TTLL11: variants seen among roughly 807,000 people sequenced by gnomAD.
The protein encoded by TTLL11 is tubulin tyrosine ligase like 11.
A neutral mutation model predicts 51.7 loss-of-function variants in TTLL11; 42 were observed. That is an observed-to-expected ratio of 0.81 (90% CI 0.64 to 1.05). The LOEUF is 1.05. Among genes scored for constraint, TTLL11 ranks in the 50% least tolerant of loss-of-function variants. The pLI, the probability that TTLL11 is intolerant of heterozygous loss-of-function variation, is 0.00. For synonymous variants in TTLL11, 381 were observed against 383.5 expected (o/e 0.99, Z 0.08); for missense variants, 799 against 940.4 (o/e 0.85, Z 1.97).
chr9:122,042,811 A>C (rs547894816), intron 1 of TTLL11, among the ~76,000 whole-genome samples: 1 of 152,386 alleles, frequency 6.6e-6, no homozygotes, highest in African/African-American at 2.4e-5. Flanking sequence ...TCTTAAATGC[A>C]TATTACTAAA....
chr9:121,823,589 C>T (rs1287067301), intron 8 of TTLL11, among the ~76,000 whole-genome samples: 6 of 152,138 alleles, frequency 3.9e-5, no homozygotes. Context: ...CTTTTATAAT[C>T]AGGGAACAAG....
In TTLL11 at chr9:121,845,305, G is replaced by A. The variant is rs190489479; in HGVS notation, c.1840+15032C>T. Among the ~76,000 whole-genome samples the A allele has an allele frequency of 6.4e-4, 98 of 152,148 alleles. 2 individuals carry two copies. The highest frequency in any genetic ancestry group is 2.2e-3 in the Admixed American group (34 of 15,276). ...ACCCCACCAACCTAGAATTCTGTAT[G>A]GAGTGAAATTATCCTCCAGAAATGA... On this transcript the variant is annotated intron_variant, in intron 8 of 8. Transcript: ENST00000321582.
At chr9:121,911,790 G>A (rs2131501571) in intron 6 of TTLL11, among the ~76,000 whole-genome samples, 1 of 152,172 alleles carries the variant, frequency 6.6e-6, no homozygotes, top group South Asian at 2.1e-4. Context: ...TGGGGGTGGG[G>A]AACTAGGGGA....
chr9:121,906,654 T>TAGGGCAGGTTGGAA (rs1379970383), intron 6 of TTLL11, among the ~76,000 whole-genome samples: 16 of 151,650 alleles, frequency 1.1e-4, no homozygotes, highest in Admixed American at 2.6e-4. Context: ...ATCCTATGTG[T>TAGGGCAGGTTGGAA]AGGGCAGGTT....
chr9:122,057,067 G>A (rs1242110321), intron 1 of TTLL11, among the ~76,000 whole-genome samples: 1 of 152,172 alleles, frequency 6.6e-6, no homozygotes, highest in African/African-American at 2.4e-5. Context: ...CCAGAGGTGG[G>A]AAGGGAAGGA....
Position 121,822,453 on chromosome 9 carries a change from A to C in TTLL11, c.*134T>G. 4.7e-6 allele frequency: 4 copies of C among 845,076 alleles called. No homozygotes were observed. Among genetic ancestry groups the C allele is most frequent in the Non-Finnish European group, 6.9e-6 (4 of 576,270 alleles). 52.3% of individuals were successfully genotyped at this position (845,076 alleles called of 1,614,324 possible). A position where few individuals can be genotyped will look rare whatever the true frequency, so the allele number is the denominator to read the frequency against. ...GGTGAAGCACAGCTCAGCCGCACAC[A>C]GAGACAGTTCGTGGGGACCTCAGCT... On this transcript the variant is annotated 3_prime_UTR_variant, in exon 9 of 9. Coordinates refer to ENST00000321582, the MANE Select transcript of TTLL11 (RefSeq NM_001139442.2). The surrounding 1 kb of genome is among the most constrained non-coding windows in gnomAD (Gnocchi z 5.8).
intron 6 of TTLL11, among the ~76,000 whole-genome samples, chr9:121,874,146 C>T (rs1364518349): frequency 6.6e-6 from 1 of 152,020 alleles, no homozygotes; most frequent in Non-Finnish European, 1.5e-5. Flanking sequence ...CGTGAGCCAC[C>T]GTGCCTGGCC....
chr9:121,939,623 T>G (rs573000806), intron 6 of TTLL11, among the ~76,000 whole-genome samples: 8 of 152,306 alleles, frequency 5.3e-5, no homozygotes, highest in African/African-American at 1.9e-4. Flanking sequence ...ACTGTTCATA[T>G]CTGCAGAATC....
At chr9:122,027,859 T>C (rs1844396723) in intron 3 of TTLL11, among the ~76,000 whole-genome samples, 1 of 152,208 alleles carries the variant, frequency 6.6e-6, no homozygotes, top group African/African-American at 2.4e-5. Flanking sequence ...TGAGTGAGTA[T>C]AAAAGACAAA....
intron 6 of TTLL11, among the ~76,000 whole-genome samples, chr9:121,948,324 C>T (rs913096982): frequency 2.0e-5 from 3 of 152,216 alleles, no homozygotes; most frequent in African/African-American, 7.2e-5. Flanking sequence ...CTGACTTGAA[C>T]TCTAGTCTTC....
intron 6 of TTLL11, among the ~76,000 whole-genome samples, chr9:121,923,282 C>G (rs4837916): frequency 1 from 152,352 of 152,356 alleles, 76,174 homozygotes; most frequent in Non-Finnish European, 1. Context: ...TAGCAATGTG[C>G]GGAAAAGTTT....
intron 6 of TTLL11, among the ~76,000 whole-genome samples, chr9:121,891,979 C>T (rs1212373638): frequency 1.4e-5 from 2 of 145,106 alleles, no homozygotes; most frequent in Non-Finnish European, 3.0e-5. Flanking sequence ...TCTTATATAT[C>T]TCATATATAT....
intron 4 of TTLL11, chr9:121,988,864 G>T: frequency 2.2e-6 from 1 of 458,430 alleles, no homozygotes; most frequent in South Asian, 4.7e-5. Flanking sequence ...TGTTGAATGA[G>T]TAAGTGAATG....
chr9:121,840,443 G>C (rs1439418369), intron 8 of TTLL11, among the ~76,000 whole-genome samples: 1 of 152,186 alleles, frequency 6.6e-6, no homozygotes, highest in African/African-American at 2.4e-5. Context: ...TCAGGCTGGA[G>C]GGAGTATAGT....
intron 6 of TTLL11, among the ~76,000 whole-genome samples, chr9:121,951,970 G>A (rs1841865263): frequency 6.6e-6 from 1 of 152,184 alleles, no homozygotes; most frequent in African/African-American, 2.4e-5. Flanking sequence ...GTAGCAGTGA[G>A]GACGACCAGA....
chr9:121,964,832 T>C (rs1842354824), intron 6 of TTLL11, among the ~76,000 whole-genome samples: 2 of 152,132 alleles, frequency 1.3e-5, no homozygotes. Flanking sequence ...GCCACCTCCT[T>C]GTCAGTTTTT....
intron 6 of TTLL11, among the ~76,000 whole-genome samples, chr9:121,934,433 C>T (rs191117675): frequency 6.6e-6 from 1 of 152,246 alleles, no homozygotes; most frequent in East Asian, 1.9e-4. Flanking sequence ...CTGATTTCAA[C>T]AGAAAAGTCT....
chr9:121,827,303 G>T (rs1290532575), intron 8 of TTLL11, among the ~76,000 whole-genome samples: 1 of 151,978 alleles, frequency 6.6e-6, no homozygotes, highest in Admixed American at 6.5e-5. Flanking sequence ...CTCACCCCTC[G>T]GGGCCCTTGG....
At chr9:121,889,944 CAT>C (rs1216544215) in intron 6 of TTLL11, among the ~76,000 whole-genome samples, 1 of 152,062 alleles carries the variant, frequency 6.6e-6, no homozygotes, top group African/African-American at 2.4e-5. Flanking sequence ...AAAGTGGAAT[CAT>C]ATAGTGTTTG....
Sources: gnomAD v4.1 joint callset for allele counts (sites outside exome capture counted in the v4.1 genomes callset) on GRCh38, gnomAD v4.1.1 for gene constraint, Gnocchi (gnomAD v3.1) non-coding constraint, MANE v1.5 for transcripts, NCBI Gene and HGNC (gene_info 2026-07-23, HGNC 2026-07-21) for gene names.